Variants in PMFBP1 observed in about 807,000 individuals in gnomAD.
The protein encoded by PMFBP1 is polyamine-modulated factor 1-binding protein 1.
A neutral mutation model predicts 137.8 loss-of-function variants in PMFBP1; 131 were observed. That is an observed-to-expected ratio of 0.95 (90% CI 0.82 to 1.10). The LOEUF (loss-of-function observed/expected upper bound fraction) is 1.10, where lower values mean the gene tolerates loss of function less well. PMFBP1 is among the 50% of genes least tolerant of loss of function. The pLI is 0.00. For missense variants in PMFBP1, 1,199 were observed against 1,175.4 expected (o/e 1.02, Z -0.29); for synonymous variants, 490 against 450.4 (o/e 1.09, Z -1.11).
intron 3 of PMFBP1, among the ~76,000 whole-genome samples, chr16:72,155,834 C>T (rs1370794464): frequency 5.9e-5 from 9 of 152,128 alleles, no homozygotes. Context: ...CCCCACGTTT[C>T]CTCATGCCCA....
chr16:72,246,939 G>C, the PMFBP1 span, among the ~76,000 whole-genome samples: 1 of 152,142 alleles, frequency 6.6e-6, no homozygotes, highest in South Asian at 2.1e-4. Context: ...GATGCCCACT[G>C]TTTGATACCC....
upstream of PMFBP1, chr16:72,176,687 C>A (rs1450462194): frequency 6.6e-6 from 1 of 152,198 alleles, no homozygotes; most frequent in East Asian, 1.9e-4. Flanking sequence ...ATAGAAGGAG[C>A]AATTTCTATC....
At chr16:72,247,349 T>G in the PMFBP1 span, among the ~76,000 whole-genome samples, 2 of 152,148 alleles carry the variant, frequency 1.3e-5, no homozygotes, top group Admixed American at 6.5e-5. Flanking sequence ...AGTACAATTT[T>G]TACAAAAAGC....
the PMFBP1 span, among the ~76,000 whole-genome samples, chr16:72,248,913 G>C: frequency 1.5e-4 from 23 of 152,266 alleles, no homozygotes; most frequent in South Asian, 4.1e-4. Flanking sequence ...AAGACTCACC[G>C]AGTGCAGAGC....
At chr16:72,166,212 T>C (rs1413042875) in intron 2 of PMFBP1, among the ~76,000 whole-genome samples, 1 of 152,006 alleles carries the variant, frequency 6.6e-6, no homozygotes, top group Non-Finnish European at 1.5e-5. Context: ...AGGGACCTGG[T>C]GGGAGGTGAT....
At chr16:72,117,863 C>T (rs1343609769), downstream of PMFBP1, among the ~76,000 whole-genome samples, 3 of 152,198 alleles carry the variant, frequency 2.0e-5, no homozygotes, top group African/African-American at 7.2e-5. Flanking sequence ...TTTAGAGAAA[C>T]TGCACTTCTC....
chr16:72,135,208 C>T (rs1368216759), intron 9 of PMFBP1, among the ~76,000 whole-genome samples: 1 of 151,976 alleles, frequency 6.6e-6, no homozygotes, highest in Non-Finnish European at 1.5e-5. Flanking sequence ...CAGAGTTTCG[C>T]TCTTGTTGCC....
At chr16:72,189,230 T>C in the PMFBP1 span, among the ~76,000 whole-genome samples, 3 of 152,188 alleles carry the variant, frequency 2.0e-5, no homozygotes, top group African/African-American at 4.8e-5. Context: ...TTAAGTAATG[T>C]TCCCAAGGCT....
intron 10 of PMFBP1, 113 bp from the exon 11 acceptor site, chr16:72,130,835 G>T (rs2042539747): frequency 4.3e-6 from 4 of 932,766 alleles, no homozygotes; most frequent in Non-Finnish European, 4.7e-6. Flanking sequence ...TCAGTTCCCA[G>T]TCTGTCCTCA....
intron 4 of PMFBP1, among the ~76,000 whole-genome samples, chr16:72,151,851 C>T (rs756996093): frequency 3.9e-5 from 6 of 152,140 alleles, no homozygotes; most frequent in Non-Finnish European, 8.8e-5. Flanking sequence ...TTCAACTCTG[C>T]CTGAGGGCTT....
the PMFBP1 span, among the ~76,000 whole-genome samples, chr16:72,239,220 A>T: frequency 2.0e-5 from 3 of 152,290 alleles, no homozygotes; most frequent in African/African-American, 7.2e-5. Flanking sequence ...CACCAGCCAC[A>T]CATATATTCT....
In PMFBP1 at chr16:72,130,278, G is replaced by A; in HGVS notation, c.1717C>T (p.Leu573Phe). 6.2e-7 allele frequency: 1 copy of A among 1,614,172 alleles called. No individual in the cohort carries two copies. The highest frequency in any genetic ancestry group is 1.1e-5 in the South Asian group (1 of 91,082). Residue 573 changes from leucine to phenylalanine, a missense_variant, in exon 12 of 21, where the codon CTT (leucine) becomes TTT (phenylalanine). Transcript: ENST00000237353. Reference protein sequence around the residue: ...LENSDKEKRQLQKTVAEQDMK... With the variant: ...LENSDKEKRQFQKTVAEQDMK... ...TCCTGCTCAGCCACTGTCTTCTGAA[G>A]CTGCCTCTTTTCCTTGTCTGAATTT...
In PMFBP1 at chr16:72,130,555, C is replaced by T; in HGVS notation, c.1615G>A (p.Glu539Lys). ...QMLQKESSMA[E>K]KEQTSNRKRV... ...CACCTGTTGGAGGTTTGTTCCTTCT[C>T]AGCCATCGAGGACTCCTTCTGCAGC... Residue 539 changes from glutamate (E) to lysine (K), a missense_variant, in exon 11 of 21, where the codon GAG (glutamate) becomes AAG (lysine). Physicochemically the swap from Glu to Lys is moderately conservative, Grantham distance 56. Transcript: ENST00000237353. The T allele has an allele frequency of 6.2e-7, 1 of 1,614,082 alleles. No individual in the cohort carries two copies. The highest frequency in any genetic ancestry group is 8.5e-7 in the Non-Finnish European group (1 of 1,180,004).
chr16:72,237,297 T>C, the PMFBP1 span, among the ~76,000 whole-genome samples: 1 of 152,268 alleles, frequency 6.6e-6, no homozygotes, highest in East Asian at 1.9e-4. Context: ...CTGCTGTCCA[T>C]AGCTCAGGGA....
chr16:72,130,515 G>C lies in PMFBP1; in HGVS notation c.1637+18C>G. ...AGTGACAGAACCTCTCTCTGGAGGGGAGCCTGAGCCTGGGCACCTGTTGGA... is the reference window on the plus strand; with the variant it reads ...AGTGACAGAACCTCTCTCTGGAGGGCAGCCTGAGCCTGGGCACCTGTTGGA... On this transcript the variant is annotated intron_variant, in intron 11 of 20. Transcript: ENST00000237353. The C allele has an allele frequency of 6.2e-7, 1 of 1,613,708 alleles. No homozygotes were observed. Among genetic ancestry groups the C allele is most frequent in the African/African-American group, 1.3e-5 (1 of 75,030 alleles).
Position 72,129,128 on chromosome 16 carries a change from C to T in PMFBP1, c.1888G>A (p.Glu630Lys). 1 of 1,614,266 alleles carries T rather than the reference C, an allele frequency of 6.2e-7. No individual in the cohort carries two copies. Among genetic ancestry groups the T allele is most frequent in the Non-Finnish European group, 8.5e-7 (1 of 1,180,052 alleles). Residue 630 changes from glutamate to lysine, a missense_variant, in exon 13 of 21, where the codon GAG (glutamate) becomes AAG (lysine). By Grantham distance (56) the Glu-to-Lys change is moderately conservative (BLOSUM62 1). Coordinates refer to ENST00000237353, the MANE Select transcript of PMFBP1 (RefSeq NM_031293.3). The part of the protein sequence containing the change: ...REQLKKSKEH[E>K]KLMEGELEAL... ...TCAAGTTCTCCCTCCATCAGCTTCT[C>T]ATGCTCTTTGCTCTTCTTCAACTGC...
At chr16:72,214,068 T>C in the PMFBP1 span, among the ~76,000 whole-genome samples, 4 of 152,200 alleles carry the variant, frequency 2.6e-5, no homozygotes, top group African/African-American at 9.6e-5. Context: ...AGTATAAATA[T>C]GTTGTGTATA....
At chr16:72,187,675 T>C in the PMFBP1 span, among the ~76,000 whole-genome samples, 1 of 152,360 alleles carries the variant, frequency 6.6e-6, no homozygotes, top group African/African-American at 2.4e-5. Context: ...GAAAATACTT[T>C]CTGATGAACA....
the PMFBP1 span, among the ~76,000 whole-genome samples, chr16:72,215,021 C>G: frequency 2.0e-5 from 3 of 152,002 alleles, no homozygotes; most frequent in South Asian, 2.1e-4. Context: ...TTAGACATGG[C>G]TGAAGTGAGA....
Sources: allele counts gnomAD v4.1 joint callset (sites outside exome capture counted in the v4.1 genomes callset), GRCh38; gene constraint gnomAD v4.1.1; transcripts MANE v1.5; gene names NCBI Gene and HGNC (gene_info 2026-07-23, HGNC 2026-07-21).